The following XDH variants were observed in gnomAD, a reference collection of about 807,000 sequenced individuals.
XDH encodes the protein xanthine dehydrogenase/oxidase.
In XDH, 138 loss-of-function variants were observed where a neutral mutation model predicts 156.1. The ratio of observed to expected loss-of-function variants is 0.88; its 90% CI spans 0.77 to 1.02. The LOEUF (loss-of-function observed/expected upper bound fraction) is 1.02. Among genes scored for constraint, XDH ranks in the 50% least tolerant of loss-of-function variants. The probability of loss-of-function intolerance (pLI) is 0.00; values close to 1 mark genes in which losing one functional copy is unlikely to be tolerated. For missense variants in XDH, 1,849 were observed against 1,684.9 expected, an observed-to-expected ratio of 1.10 and a Z score of -1.71; for synonymous variants, 669 against 625.7, an observed-to-expected ratio of 1.07 and a Z score of -1.03.
intron 20 of XDH, 78 bp from the exon 21 acceptor site, chr2:31,367,072 C>T: frequency 6.2e-7 from 1 of 1,610,916 alleles, no homozygotes. Flanking sequence ...AGAGTATACT[C>T]TGCCAAGTGG....
Position 31,393,578 on chromosome 2 carries a change from T to C in XDH, c.495+4090A>G, listed in dbSNP as rs576922280. The stretch of plus-strand genomic sequence containing the variant: ...TATTTTCATCTACTCTAACAATCTC[T>C]GTCTTTTAAATGGTGTATTTAGATC... On this transcript the variant is annotated intron_variant, in intron 6 of 35. Coordinates refer to ENST00000379416, the MANE Select transcript of XDH (RefSeq NM_000379.4). 9.8e-5 allele frequency among the ~76,000 whole-genome samples: 15 copies of C among 152,298 alleles called. No homozygotes were observed. The South Asian group carries it at 2.9e-3, about 30-fold the overall frequency.
chr2:31,402,308 A>G (rs769989742), intron 3 of XDH, among the ~76,000 whole-genome samples: 4 of 152,194 alleles, frequency 2.6e-5, no homozygotes, highest in East Asian at 1.9e-4. Flanking sequence ...GCCTGTGTCC[A>G]TCCTACAAAA....
chr2:31,347,523 T>C lies in XDH; in HGVS notation c.3275A>G (p.Tyr1092Cys). Residue 1092 changes from tyrosine to cysteine, a missense_variant and splice_region_variant, in exon 29 of 36, where the codon TAT (tyrosine) becomes TGT (cysteine). Coordinates refer to ENST00000379416, the MANE Select transcript of XDH (RefSeq NM_000379.4). ...TGCGGGATCCCATGGGCTCCTTACATAGACGGCCTGTCCATTGAGGTCAGC... is the reference window on the plus strand; with the variant it reads ...TGCGGGATCCCATGGGCTCCTTACACAGACGGCCTGTCCATTGAGGTCAGC... ...VSADLNGQAV[Y>C]AACQTILKRL... The C allele has an allele frequency of 1.2e-6, 2 of 1,613,824 alleles. No individual in the cohort carries two copies. Among genetic ancestry groups the C allele is most frequent in the African/African-American group, 1.3e-5 (1 of 75,048 alleles).
intron 6 of XDH, among the ~76,000 whole-genome samples, chr2:31,392,731 A>T (rs1339948638): frequency 3.3e-5 from 5 of 152,116 alleles, no homozygotes; most frequent in Non-Finnish European, 7.3e-5. Context: ...TGGATTATTG[A>T]TTTTTAATCT....
At chr2:31,377,910 A>T (rs1342300289) in intron 13 of XDH, among the ~76,000 whole-genome samples, 1 of 151,352 alleles carries the variant, frequency 6.6e-6, no homozygotes, top group Non-Finnish European at 1.5e-5. Flanking sequence ...GGTCTCGGCT[A>T]CTTGGGAGGG....
At chr2:31,373,046 C>A (rs975310209) in intron 16 of XDH, among the ~76,000 whole-genome samples, 3 of 152,036 alleles carry the variant, frequency 2.0e-5, no homozygotes, top group African/African-American at 7.2e-5. Flanking sequence ...AGTGTTTCAC[C>A]ATATCCCAGG....
At position 31,335,899 on chromosome 2, in the gene XDH, C is replaced by T; in HGVS notation, c.*59G>A. On this transcript the variant is annotated 3_prime_UTR_variant, in exon 36 of 36. Coordinates refer to ENST00000379416, the MANE Select transcript of XDH (RefSeq NM_000379.4). ...ATAGATCCATGTTCTGTGGTATGTTCCTCCTGCTCCATGGAAGCCCAAAGG... is the reference window on the plus strand; with the variant it reads ...ATAGATCCATGTTCTGTGGTATGTTTCTCCTGCTCCATGGAAGCCCAAAGG... The T allele has an allele frequency of 3.2e-6, 5 of 1,566,992 alleles. No homozygotes were observed. In the South Asian group the frequency reaches 4.4e-5, roughly 14 times the overall value.
intron 24 of XDH, among the ~76,000 whole-genome samples, chr2:31,357,679 C>T (rs193160255): frequency 1.1e-4 from 17 of 151,568 alleles, no homozygotes; most frequent in Admixed American, 9.2e-4. Flanking sequence ...GATAATTTAT[C>T]GTATATTTAA....
chr2:31,349,597 G>A, intron 26 of XDH, 89 bp downstream of exon 26: 2 of 1,534,080 alleles, frequency 1.3e-6, no homozygotes, highest in Non-Finnish European at 1.8e-6. Flanking sequence ...GTTATCCATT[G>A]AATTATTAGC....
chr2:31,337,636 C>G lies in XDH; in HGVS notation c.3951+5G>C. 1 of 1,613,914 alleles carries G rather than the reference C, an allele frequency of 6.2e-7. No homozygotes were observed. The highest frequency in any genetic ancestry group is 8.5e-7 in the Non-Finnish European group (1 of 1,180,030). On this transcript the variant is annotated splice_donor_5th_base_variant and intron_variant, in intron 35 of 35. Transcript: ENST00000379416. The stretch of plus-strand genomic sequence containing the variant: ...GACTGAGTGGATGCTTGAGGGGCAT[C>G]ATACCAGGGTGGTGAACTTGTCCAC...
intron 24 of XDH, among the ~76,000 whole-genome samples, chr2:31,350,509 T>G (rs1234466598): frequency 6.6e-6 from 1 of 150,938 alleles, no homozygotes. Context: ...CCTGAGTAGC[T>G]GGGATTACAG....
chr2:31,387,868 T>C lies in XDH; in HGVS notation c.594A>G (p.Pro198=), dbSNP rs201376351. 6.9e-6 allele frequency: 11 copies of C among 1,587,712 alleles called. No individual in the cohort carries two copies. In the Admixed American group the frequency reaches 1.3e-4, roughly 18 times the overall value. The change falls in exon 8 of 36, where the codon CCA becomes CCG. Residue 198 remains proline (P), a synonymous_variant. Coordinates refer to ENST00000379416, the MANE Select transcript of XDH (RefSeq NM_000379.4). ...SVSLSPSLFK[P]EEFTPLDPTQ... ...TTGGATCCAGGGGCGTGAACTCCTC[T>C]GGTTTGAATAAAGATGGCGAGAGGC...
chr2:31,369,744 T>G (rs1425231912), intron 18 of XDH, among the ~76,000 whole-genome samples: 3 of 152,368 alleles, frequency 2.0e-5, no homozygotes, highest in African/African-American at 7.2e-5. Context: ...TTTTAGTTTT[T>G]TGTTATCTCC....
chr2:31,411,879 C>A (rs942538762), intron 1 of XDH, among the ~76,000 whole-genome samples: 1 of 152,220 alleles, frequency 6.6e-6, no homozygotes, highest in Admixed American at 6.5e-5. Context: ...TCCCCCAGTG[C>A]ATATCCTGTT....
chr2:31,344,553 GAAGTCTGTTGAAGAGAT>G, intron 31 of XDH, 114 bp downstream of exon 31: 1 of 1,041,532 alleles, frequency 9.6e-7, no homozygotes. Context: ...GAAATTAGCG[GAAGTCTGTTGAAGAGAT>G]AAGTGGAGCT....
chr2:31,396,961 C>A (rs895238095), intron 6 of XDH, among the ~76,000 whole-genome samples: 1 of 152,182 alleles, frequency 6.6e-6, no homozygotes, highest in Non-Finnish European at 1.5e-5. Context: ...TGTAACTCCC[C>A]TGGACCCAGA....
intron 13 of XDH, 101 bp from the exon 14 acceptor site, chr2:31,377,338 C>T (rs1243967896): frequency 3.2e-6 from 4 of 1,262,140 alleles, no homozygotes; most frequent in African/African-American, 1.5e-5. Context: ...GAGGGGATAA[C>T]ACCATCACAC....
chr2:31,414,586 G>C (rs2148017497), intron 1 of XDH, 39 bp downstream of exon 1: 1 of 1,612,372 alleles, frequency 6.2e-7, no homozygotes, highest in East Asian at 2.2e-5. Flanking sequence ...CCCCTCCCAG[G>C]GAGAAGGGAC....
At chr2:31,365,650 G>T in intron 22 of XDH, 106 bp from the exon 23 acceptor site, 2 of 1,330,790 alleles carry the variant, frequency 1.5e-6, no homozygotes, top group Non-Finnish European at 2.2e-6. Flanking sequence ...CCACCTGCAC[G>T]CTGAGCAGAC....
Sources: allele counts gnomAD v4.1 joint callset (sites outside exome capture counted in the v4.1 genomes callset), GRCh38; gene constraint gnomAD v4.1.1; transcripts MANE v1.5; gene names NCBI Gene and HGNC (gene_info 2026-07-23, HGNC 2026-07-21).